Variants in FRMPD1 observed in about 807,000 individuals in gnomAD.
FRMPD1 encodes FERM and PDZ domain-containing protein 1.
Under a neutral mutation model 117.8 loss-of-function variants are expected in FRMPD1, and 76 were observed. That is an observed-to-expected ratio of 0.65 (90% CI 0.54 to 0.78). FRMPD1 has a LOEUF of 0.78. Ranked by LOEUF, FRMPD1 falls within the 30% of genes least tolerant of loss-of-function variation. The pLI is 0.00. For missense variants in FRMPD1, 1,786 were observed against 1,964.5 expected (o/e 0.91, Z 1.72); for synonymous variants, 783 against 770.4 (o/e 1.02, Z -0.27).
the FRMPD1 span, among the ~76,000 whole-genome samples, chr9:37,621,771 T>G: frequency 6.6e-6 from 1 of 152,132 alleles, no homozygotes; most frequent in Admixed American, 6.5e-5. Context: ...GCACCTTAGA[T>G]GCATTTACGT....
At chr9:37,707,905 A>T (rs1241125195) in intron 3 of FRMPD1, among the ~76,000 whole-genome samples, 1 of 152,198 alleles carries the variant, frequency 6.6e-6, no homozygotes, top group Middle Eastern at 3.2e-3. Flanking sequence ...CTAGCTGGGG[A>T]TACTTTCTGG....
the FRMPD1 span, among the ~76,000 whole-genome samples, chr9:37,640,748 G>A: frequency 1.3e-5 from 2 of 152,096 alleles, no homozygotes; most frequent in Non-Finnish European, 2.9e-5. Flanking sequence ...GAATTATTTT[G>A]TGAGTATTTG....
chr9:37,613,990 A>AGAAT, the FRMPD1 span, among the ~76,000 whole-genome samples: 1 of 152,252 alleles, frequency 6.6e-6, no homozygotes, highest in East Asian at 1.9e-4. Flanking sequence ...AATAAATGAA[A>AGAAT]GACTGAATGA....
intron 5 of FRMPD1, chr9:37,715,816 C>G (rs1240006126): frequency 4.8e-6 from 2 of 413,692 alleles, no homozygotes; most frequent in Non-Finnish European, 9.7e-6. Flanking sequence ...TTTTTTTTTC[C>G]CAAAGCAGCC....
At chr9:37,619,482 G>A in the FRMPD1 span, among the ~76,000 whole-genome samples, 2 of 152,192 alleles carry the variant, frequency 1.3e-5, no homozygotes, top group Non-Finnish European at 2.9e-5. Flanking sequence ...ATCAAGGCCA[G>A]TGCAGTGGCT....
the FRMPD1 span, among the ~76,000 whole-genome samples, chr9:37,638,013 TTTCTTTCTTTCTCTCTCTTTC>T: frequency 2.4e-5 from 3 of 126,444 alleles, 1 homozygote; most frequent in Non-Finnish European, 5.0e-5. Context: ...TCTTTCTTTC[TTTCTTTCTTTCTCTCTCTTTC>T]TTCCTTTCTT....
intron 1 of FRMPD1, among the ~76,000 whole-genome samples, chr9:37,685,855 C>T (rs1286728179): frequency 6.6e-6 from 1 of 152,108 alleles, no homozygotes; most frequent in East Asian, 1.9e-4. Context: ...CTTTTTTATC[C>T]TTTGCTGCCT....
At chr9:37,682,815 GGAAAGGAGGACA>G (rs1169381094) in intron 1 of FRMPD1, among the ~76,000 whole-genome samples, 2 of 152,164 alleles carry the variant, frequency 1.3e-5, no homozygotes, top group Non-Finnish European at 2.9e-5. Flanking sequence ...TTACTGTCAA[GGAAAGGAGGACA>G]GAAGGGTGAA....
chr9:37,717,540 C>T (rs553451460), intron 5 of FRMPD1, among the ~76,000 whole-genome samples: 38 of 151,762 alleles, frequency 2.5e-4, no homozygotes, highest in South Asian at 1.7e-3. Context: ...CCACCACGCT[C>T]GGCTAATTTT....
intron 1 of FRMPD1, among the ~76,000 whole-genome samples, chr9:37,664,178 G>A (rs1184161293): frequency 6.6e-6 from 1 of 152,076 alleles, no homozygotes; most frequent in Non-Finnish European, 1.5e-5. Context: ...AGGGCACCGA[G>A]ATGAAAATGT....
chr9:37,671,907 A>C (rs980735820), intron 1 of FRMPD1, among the ~76,000 whole-genome samples: 3 of 152,222 alleles, frequency 2.0e-5, no homozygotes, highest in Admixed American at 6.5e-5. Context: ...CAGAGGTTGC[A>C]GTGATCTGAG....
chr9:37,641,811 C>T, the FRMPD1 span, among the ~76,000 whole-genome samples: 1 of 152,170 alleles, frequency 6.6e-6, no homozygotes, highest in African/African-American at 2.4e-5. Flanking sequence ...TAGTGCCTCC[C>T]CAACATCCCC....
At chr9:37,658,190 C>T (rs925705644) in intron 1 of FRMPD1, among the ~76,000 whole-genome samples, 3 of 152,202 alleles carry the variant, frequency 2.0e-5, no homozygotes, top group South Asian at 4.2e-4. Context: ...GGGGTCTGAT[C>T]AGCCCAGACA....
chr9:37,646,146 T>A (rs1824136149), upstream of FRMPD1, among the ~76,000 whole-genome samples: 1 of 152,206 alleles, frequency 6.6e-6, no homozygotes, highest in African/African-American at 2.4e-5. Flanking sequence ...CCCTGAGTCT[T>A]GGCTCACTGA....
chr9:37,648,880 T>C (rs1820586019), upstream of FRMPD1, among the ~76,000 whole-genome samples: 2 of 152,098 alleles, frequency 1.3e-5, no homozygotes, highest in South Asian at 4.1e-4. Context: ...GTCTCTGGGT[T>C]TGGAAGACAG....
chr9:37,701,292 T>C (rs1588940608), intron 2 of FRMPD1, among the ~76,000 whole-genome samples: 1 of 152,212 alleles, frequency 6.6e-6, no homozygotes, highest in Non-Finnish European at 1.5e-5. Context: ...CTATGGCTGG[T>C]ACTGAGTTCA....
At chr9:37,707,347 G>T in intron 2 of FRMPD1, 69 bp from the exon 3 acceptor site, 2 of 1,347,290 alleles carry the variant, frequency 1.5e-6, no homozygotes, top group Non-Finnish European at 2.1e-6. Context: ...GATGCTTAGG[G>T]CTGACCCAGT....
At position 37,745,003 on chromosome 9, in the gene FRMPD1, C is replaced by T. The variant is rs997446650; in HGVS notation, c.2971C>T (p.Pro991Ser). The change falls in exon 16 of 16, where the codon CCT (proline) becomes TCT (serine). Residue 991 changes from proline (P) to serine (S), a missense_variant. Coordinates refer to ENST00000377765, the MANE Select transcript of FRMPD1 (RefSeq NM_014907.3). ...TAQARPSQIL[P>S]LSQDLDGIAP... is the part of the protein sequence containing the mutation. ...TCAGGCAAGGCCTTCCCAAATCTTA[C>T]CTCTATCTCAAGACCTGGATGGGAT... The T allele has an allele frequency of 1.2e-6, 2 of 1,614,184 alleles. No homozygotes were observed. The highest frequency in any genetic ancestry group is 1.7e-6 in the Non-Finnish European group (2 of 1,180,028).
Position 37,696,051 on chromosome 9 carries a change from C to CTT in FRMPD1, c.101+3332_101+3333dup, listed in dbSNP as rs61521469. Among the ~76,000 whole-genome samples the CTT allele has an allele frequency of 4.7e-3, 366 of 78,092 alleles. 17 individuals carry two copies. The highest frequency in any genetic ancestry group is 0.013 in the African/African-American group (258 of 19,412). The allele number at this position is 78,092 out of a possible 152,430, so 51.2% of individuals were successfully genotyped here. ...TTGCTCACCGTTCTCCATTGTTTTG[C>CTT]TTTTTTTTTTTTTTTTTTTTTTTTA... is the stretch of plus-strand genomic sequence containing the variant. On this transcript the variant is annotated intron_variant, in intron 2 of 15. Coordinates refer to ENST00000377765, the MANE Select transcript of FRMPD1 (RefSeq NM_014907.3).
Sources: allele counts gnomAD v4.1 joint callset (sites outside exome capture counted in the v4.1 genomes callset), GRCh38; gene constraint gnomAD v4.1.1; transcripts MANE v1.5; gene names NCBI Gene and HGNC (gene_info 2026-07-23, HGNC 2026-07-21).